Variants in ZBED6 observed in about 807,000 individuals in gnomAD.
ZBED6 encodes zinc finger BED-type containing 6.
In ZBED6, 40 loss-of-function variants were observed where a neutral mutation model predicts 58.4. The observed-to-expected ratio is 0.68, with a 90% confidence interval of 0.53 to 0.89. The LOEUF (loss-of-function observed/expected upper bound fraction) is 0.89, where lower values mean the gene tolerates loss of function less well. Among genes scored for constraint, ZBED6 ranks in the 40% least tolerant of loss-of-function variants. The probability of loss-of-function intolerance (pLI) is 0.00; values close to 1 mark genes in which losing one functional copy is unlikely to be tolerated. For missense variants in ZBED6, 1,057 were observed against 1,003.9 expected, an observed-to-expected ratio of 1.05 and a Z score of -0.71; for synonymous variants, 439 against 350.6, an observed-to-expected ratio of 1.25 and a Z score of -2.82.
chr1:203,833,158 A>G (rs564012334), intron 8 of ZBED6, among the ~76,000 whole-genome samples: 1 of 152,272 alleles, frequency 6.6e-6, no homozygotes, highest in Non-Finnish European at 1.5e-5. Flanking sequence ...TCACAAGGTC[A>G]GAAATTCGAG....
intron 3 of ZBED6, among the ~76,000 whole-genome samples, chr1:203,825,323 C>T (rs1680154682): frequency 6.6e-6 from 1 of 151,694 alleles, no homozygotes; most frequent in African/African-American, 2.4e-5. Flanking sequence ...TAGAACATAA[C>T]TACTGCAAAT....
intron 11 of ZBED6, among the ~76,000 whole-genome samples, chr1:203,845,120 T>G (rs1687535664): frequency 6.6e-6 from 1 of 152,230 alleles, no homozygotes; most frequent in Admixed American, 6.5e-5. Flanking sequence ...CCTATGGTTT[T>G]AACTATTATT....
At chr1:203,805,898 C>A in intron 1 of ZBED6, 1 of 707,336 alleles carries the variant, frequency 1.4e-6, no homozygotes, top group South Asian at 1.3e-5. Flanking sequence ...TCAATCTGGT[C>A]AGTTTTCACT....
rs201342713 is a variant in ZBED6 at position 203,819,091 on chromosome 1, C to T, written c.*2873+402C>T. Among the ~76,000 whole-genome samples, 300 of 50,338 alleles carry T rather than the reference C, an allele frequency of 6.0e-3. 1 individual carries two copies. The highest frequency in any genetic ancestry group is 0.026 in the East Asian group (34 of 1,288). 33.0% of individuals were successfully genotyped at this position (50,338 alleles called of 152,430 possible). ...TCAAAAAAAAAAATATATATATATACACACACACACACACACACACACACA... is the reference window on the plus strand; with the variant it reads ...TCAAAAAAAAAAATATATATATATATACACACACACACACACACACACACA... On this transcript the variant is annotated intron_variant, in intron 3 of 16. Coordinates refer to ENST00000550078, the Ensembl canonical transcript of ZBED6.
chr1:203,813,685 C>A (rs1675271050), intron 1 of ZBED6, among the ~76,000 whole-genome samples: 1 of 152,072 alleles, frequency 6.6e-6, no homozygotes, highest in African/African-American at 2.4e-5. Flanking sequence ...TTCAGCAGGG[C>A]CATTCTCCCT....
At chr1:203,853,836 A>G (rs2103494390) in exon 17 of ZBED6, 1 of 152,808 alleles carries the variant, frequency 6.5e-6, no homozygotes, top group Admixed American at 6.5e-5. Context: ...CTACCAATCC[A>G]TCTTCAGCTG....
At chr1:203,829,675 T>C in intron 5 of ZBED6, 21 bp downstream of exon 5, 1 of 1,614,120 alleles carries the variant, frequency 6.2e-7, no homozygotes, top group Non-Finnish European at 8.5e-7. Flanking sequence ...TCTGGCTCCT[T>C]CTTTAAGGCA....
rs546685980 is a variant in ZBED6 at position 203,843,541 on chromosome 1, A to G, written c.*3741+3167A>G. 2.0e-5 allele frequency among the ~76,000 whole-genome samples: 3 copies of G among 152,296 alleles called. No individual in the cohort carries two copies. In the South Asian group the frequency reaches 6.2e-4, roughly 32 times the overall value. ...CAATTTTTTTCCTGTAAAGGGTCGGATATAAATAACTTTGCAGTCCACAGT... is the reference window on the plus strand; with the variant it reads ...CAATTTTTTTCCTGTAAAGGGTCGGGTATAAATAACTTTGCAGTCCACAGT... On this transcript the variant is annotated intron_variant, in intron 11 of 16. Transcript: ENST00000550078.
intron 1 of ZBED6, among the ~76,000 whole-genome samples, chr1:203,809,977 A>G (rs1673793045): frequency 6.6e-6 from 1 of 152,118 alleles, no homozygotes; most frequent in African/African-American, 2.4e-5. Flanking sequence ...TAAACAAAAA[A>G]AAGTAACTGG....
chr1:203,816,691 AACTGTGTAACAAGC>A (rs1191609729), intron 1 of ZBED6, among the ~76,000 whole-genome samples: 1 of 152,204 alleles, frequency 6.6e-6, no homozygotes, highest in Non-Finnish European at 1.5e-5. Context: ...ACAATGCTGT[AACTGTGTAACAAGC>A]ATCACAGAGA....
At chr1:203,814,105 A>G (rs2102703939) in intron 1 of ZBED6, among the ~76,000 whole-genome samples, 1 of 152,296 alleles carries the variant, frequency 6.6e-6, no homozygotes, top group South Asian at 2.1e-4. Context: ...CAGCAGGAAA[A>G]GCCCAGGCTG....
intron 3 of ZBED6, among the ~76,000 whole-genome samples, chr1:203,820,855 T>C (rs1678401452): frequency 6.6e-6 from 1 of 152,170 alleles, no homozygotes; most frequent in South Asian, 2.1e-4. Flanking sequence ...CTTTGATCAC[T>C]CAATTAAGAT....
intron 1 of ZBED6, 87 bp downstream of exon 1, chr1:203,803,103 T>C (rs1452666394): frequency 6.6e-6 from 1 of 152,424 alleles, no homozygotes; most frequent in African/African-American, 2.4e-5. Flanking sequence ...AGTAAGAAAT[T>C]AAAAGGCCAT....
intron 1 of ZBED6, among the ~76,000 whole-genome samples, chr1:203,809,178 T>TG (rs1404140673): frequency 1.4e-5 from 2 of 139,046 alleles, no homozygotes; most frequent in African/African-American, 5.4e-5. Flanking sequence ...CACTGTTTTT[T>TG]TTTTTTTTTT....
Position 203,798,642 on chromosome 1 carries a change from G to A in ZBED6, c.1120G>A (p.Glu374Lys), listed in dbSNP as rs910089894. The A allele has an allele frequency of 3.9e-6, 6 of 1,536,032 alleles. No individual in the cohort carries two copies. The South Asian group carries it at 5.9e-5, about 15-fold the overall frequency. ...CTCTGATTCAGATGAACCTATGTTA[G>A]AGGTTGAAAACAGATCTGAAAGTCC... The change falls in exon 1 of 17, where the codon GAG becomes AAG. Residue 374 changes from glutamate (E) to lysine (K), a missense_variant. Glu to Lys is a moderately conservative substitution (Grantham distance 56). Transcript: ENST00000550078.
rs146793630 is a variant in ZBED6 at position 203,841,062 on chromosome 1, A to G, written c.*3741+688A>G. ...GCTGAACAACGATATGGAAAAATCA[A>G]CTTGCATTGTATCAAGTGAAGAAAG... On this transcript the variant is annotated intron_variant, in intron 11 of 16. Transcript: ENST00000550078. Among the ~76,000 whole-genome samples, 29 of 152,316 alleles carry G rather than the reference A, an allele frequency of 1.9e-4. No individual in the cohort carries two copies. In the East Asian group the frequency reaches 2.3e-3, roughly 12 times the overall value.
chr1:203,848,514 A>C, intron 13 of ZBED6, 107 bp downstream of exon 13: 2 of 764,270 alleles, frequency 2.6e-6, no homozygotes, highest in Non-Finnish European at 4.3e-6. Context: ...TATATTAGGT[A>C]AACAGTCTTT....
chr1:203,837,994 T>C, exon 10 of ZBED6: 4 of 1,614,124 alleles, frequency 2.5e-6, no homozygotes, highest in Non-Finnish European at 3.4e-6. Flanking sequence ...CATTAAAGCG[T>C]AGCCTGGCAC....
Position 203,797,942 on chromosome 1 carries a change from T to C in ZBED6, c.420T>C (p.His140=), listed in dbSNP as rs1018124594. 2.6e-6 allele frequency: 4 copies of C among 1,536,054 alleles called. No individual in the cohort carries two copies. The Admixed American group carries it at 7.8e-5, about 30-fold the overall frequency. The change falls in exon 1 of 17, where the codon CAT becomes CAC. Residue 140 remains histidine, a synonymous_variant. Coordinates refer to ENST00000550078, the Ensembl canonical transcript of ZBED6. ...CCTCCATTGTGTGGCACTTCTTTCATGTTGACCCCCAGTACACCTGGCGGG... is the reference window on the plus strand; with the variant it reads ...CCTCCATTGTGTGGCACTTCTTTCACGTTGACCCCCAGTACACCTGGCGGG...
Sources: allele counts gnomAD v4.1 joint callset (sites outside exome capture counted in the v4.1 genomes callset), GRCh38; gene constraint gnomAD v4.1.1; transcripts MANE v1.5; gene names NCBI Gene and HGNC (gene_info 2026-07-23, HGNC 2026-07-21).